Variants in CCDC178 observed in about 807,000 individuals in gnomAD.
The protein encoded by CCDC178 is coiled-coil domain-containing protein 178.
Under a neutral mutation model 117.4 loss-of-function variants are expected in CCDC178, and 126 were observed. The ratio of observed to expected loss-of-function variants is 1.07; its 90% CI spans 0.93 to 1.24. The LOEUF (loss-of-function observed/expected upper bound fraction) is 1.24. CCDC178 is among the 50% of genes most tolerant of loss of function. CCDC178 has a pLI of 0.00. For synonymous variants in CCDC178, 283 were observed against 313.4 expected, an observed-to-expected ratio of 0.90 and a Z score of 1.02; for missense variants, 1,030 against 986.9, an observed-to-expected ratio of 1.04 and a Z score of -0.59.
chr18:32,997,165 G>A (rs778433006), intron 21 of CCDC178, among the ~76,000 whole-genome samples: 5 of 152,110 alleles, frequency 3.3e-5, no homozygotes, highest in Admixed American at 6.5e-5. Flanking sequence ...TGTACTCTGT[G>A]TGTGGGGGTA....
At chr18:32,984,392 T>G (rs2055219356) in intron 21 of CCDC178, among the ~76,000 whole-genome samples, 1 of 151,936 alleles carries the variant, frequency 6.6e-6, no homozygotes, top group South Asian at 2.1e-4. Context: ...TTTATAATGA[T>G]AATACACACT....
intron 20 of CCDC178, among the ~76,000 whole-genome samples, chr18:33,199,655 G>A (rs529420472): frequency 1.7e-4 from 26 of 152,152 alleles, no homozygotes; most frequent in African/African-American, 4.8e-4. Flanking sequence ...TTTTGTTGCC[G>A]CTATTCTTAC....
intron 9 of CCDC178, among the ~76,000 whole-genome samples, chr18:33,336,367 A>G (rs2062740700): frequency 6.6e-6 from 1 of 152,066 alleles, no homozygotes; most frequent in Non-Finnish European, 1.5e-5. Flanking sequence ...TCAGGGTTTC[A>G]AGGATTCCCC....
intron 4 of CCDC178, among the ~76,000 whole-genome samples, chr18:33,394,943 G>GTGTGTGTGTATATATA (rs1222110972): frequency 1.6e-5 from 1 of 61,498 alleles, no homozygotes; most frequent in African/African-American, 6.0e-5. Context: ...ATATGTATGT[G>GTGTGTGTGTATATATA]TATATATATA....
At chr18:33,030,450 C>A (rs1226018612) in intron 21 of CCDC178, among the ~76,000 whole-genome samples, 1 of 151,934 alleles carries the variant, frequency 6.6e-6, no homozygotes, top group African/African-American at 2.4e-5. Flanking sequence ...TTAATCCATT[C>A]ACATTTAATG....
At chr18:33,371,824 T>C (rs941761089) in intron 5 of CCDC178, among the ~76,000 whole-genome samples, 10 of 105,858 alleles carry the variant, frequency 9.4e-5, no homozygotes, top group African/African-American at 3.1e-4. Flanking sequence ...CACACATATG[T>C]AATAGTCAAA....
intron 2 of CCDC178, among the ~76,000 whole-genome samples, chr18:33,413,668 G>C (rs2063890543): frequency 6.6e-6 from 1 of 151,976 alleles, no homozygotes; most frequent in African/African-American, 2.4e-5. Flanking sequence ...ATCCAGAGAA[G>C]TGAGACTAAC....
intron 4 of CCDC178, 78 bp downstream of exon 4, chr18:33,397,071 A>G (rs941273329): frequency 2.8e-5 from 25 of 900,288 alleles, no homozygotes; most frequent in South Asian, 2.8e-4. Flanking sequence ...AATTATTTTC[A>G]TGCTTATAAT....
intron 20 of CCDC178, among the ~76,000 whole-genome samples, chr18:33,121,551 C>G (rs185702595): frequency 2.2e-4 from 33 of 152,238 alleles, no homozygotes; most frequent in Admixed American, 1.8e-3. Flanking sequence ...GGGCTGAACC[C>G]TCATAGAGGG....
chr18:33,221,963 T>A (rs924908601), intron 18 of CCDC178, among the ~76,000 whole-genome samples: 1 of 152,090 alleles, frequency 6.6e-6, no homozygotes, highest in Non-Finnish European at 1.5e-5. Flanking sequence ...AAATGTATAG[T>A]CAAATTATAT....
intron 21 of CCDC178, among the ~76,000 whole-genome samples, chr18:32,995,185 G>T (rs2055476875): frequency 6.6e-6 from 1 of 152,058 alleles, no homozygotes; most frequent in South Asian, 2.1e-4. Context: ...TCAATGGGAG[G>T]AGGAACTTAT....
intron 21 of CCDC178, among the ~76,000 whole-genome samples, chr18:33,011,375 C>A (rs2055859838): frequency 6.6e-6 from 1 of 152,056 alleles, no homozygotes; most frequent in Admixed American, 6.6e-5. Flanking sequence ...TAGCTGCAGC[C>A]ATTTGCATCT....
chr18:32,959,394 C>T (rs2054660707), intron 22 of CCDC178, among the ~76,000 whole-genome samples: 1 of 152,036 alleles, frequency 6.6e-6, no homozygotes, highest in Non-Finnish European at 1.5e-5. Flanking sequence ...ATTTGGTGTA[C>T]ACTTTCTATG....
intron 21 of CCDC178, among the ~76,000 whole-genome samples, chr18:33,086,969 GAC>G (rs71949744): frequency 0.52 from 64,008 of 123,536 alleles, 16,852 homozygotes; most frequent in South Asian, 0.63. Context: ...GCTATTGGTT[GAC>G]ACACACACAC....
chr18:33,066,887 C>G (rs1464213925), intron 21 of CCDC178, among the ~76,000 whole-genome samples: 1 of 152,070 alleles, frequency 6.6e-6, no homozygotes, highest in African/African-American at 2.4e-5. Context: ...GAGAGATAGA[C>G]TCTAATACAG....
At chr18:32,976,312 A>G (rs189603280) in intron 21 of CCDC178, among the ~76,000 whole-genome samples, 7 of 152,190 alleles carry the variant, frequency 4.6e-5, no homozygotes, top group Admixed American at 4.6e-4. Flanking sequence ...GACATTTGAA[A>G]AGTTTAGTTC....
At chr18:33,311,182 A>C (rs2062336884) in intron 11 of CCDC178, among the ~76,000 whole-genome samples, 1 of 150,884 alleles carries the variant, frequency 6.6e-6, no homozygotes, top group African/African-American at 2.4e-5. Context: ...ACAAAACAAA[A>C]AACAAACAAC....
At chr18:33,237,562 G>C (rs1347528697) in intron 15 of CCDC178, among the ~76,000 whole-genome samples, 1 of 151,182 alleles carries the variant, frequency 6.6e-6, no homozygotes, top group African/African-American at 2.4e-5. Flanking sequence ...CCTCCCCCTG[G>C]CTGAAATGCC....
chr18:33,079,263 T>A (rs1460185711), intron 21 of CCDC178, among the ~76,000 whole-genome samples: 1 of 152,074 alleles, frequency 6.6e-6, no homozygotes, highest in Admixed American at 6.6e-5. Context: ...TTACACCATA[T>A]ACAAAAATGG....
Sources: allele counts gnomAD v4.1 joint callset (sites outside exome capture counted in the v4.1 genomes callset), GRCh38; gene constraint gnomAD v4.1.1; transcripts MANE v1.5; gene names NCBI Gene and HGNC (gene_info 2026-07-23, HGNC 2026-07-21).